Variants in HIVEP2 observed in about 807,000 individuals in gnomAD.
HIVEP2 encodes transcription factor HIVEP2.
Under a neutral mutation model 180.7 loss-of-function variants are expected in HIVEP2, and 14 were observed. The ratio of observed to expected loss-of-function variants is 0.08; its 90% CI spans 0.05 to 0.12. HIVEP2 has a LOEUF of 0.12. Ranked by LOEUF, HIVEP2 falls within the 10% of genes least tolerant of loss-of-function variation. HIVEP2 has a pLI of 1.00. For synonymous variants in HIVEP2, 1,184 were observed against 1,136.4 expected, an observed-to-expected ratio of 1.04 and a Z score of -0.84; for missense variants, 2,579 against 3,008.5, an observed-to-expected ratio of 0.86 and a Z score of 3.34.
At chr6:142,913,539 G>C (rs948184586) in intron 1 of HIVEP2, among the ~76,000 whole-genome samples, 3 of 152,192 alleles carry the variant, frequency 2.0e-5, no homozygotes, top group African/African-American at 7.2e-5. Flanking sequence ...ACTTAACTAA[G>C]TTTCTAGGCA....
chr6:142,889,430 C>T (rs971430584), intron 1 of HIVEP2, among the ~76,000 whole-genome samples: 1 of 152,042 alleles, frequency 6.6e-6, no homozygotes, highest in Non-Finnish European at 1.5e-5. Flanking sequence ...TGCACCCCAG[C>T]CGGAGCAACA....
At chr6:142,754,859 A>G (rs1775024851) in intron 9 of HIVEP2, among the ~76,000 whole-genome samples, 2 of 152,234 alleles carry the variant, frequency 1.3e-5, no homozygotes, top group African/African-American at 2.4e-5. Flanking sequence ...TTTATTTTCT[A>G]TACTGTTTCT....
intron 2 of HIVEP2, among the ~76,000 whole-genome samples, chr6:142,800,340 A>C (rs1293871095): frequency 1.3e-5 from 2 of 152,188 alleles, no homozygotes; most frequent in Non-Finnish European, 2.9e-5. Context: ...CAAAGTGCAG[A>C]ATTCAAGTTT....
At chr6:142,906,211 A>G (rs779400890) in intron 1 of HIVEP2, among the ~76,000 whole-genome samples, 3 of 152,202 alleles carry the variant, frequency 2.0e-5, no homozygotes, top group Non-Finnish European at 4.4e-5. Flanking sequence ...CTTTGAAGGC[A>G]TTCATGAAAA....
chr6:142,776,633 G>A (rs977927793), intron 3 of HIVEP2, among the ~76,000 whole-genome samples: 1 of 151,948 alleles, frequency 6.6e-6, no homozygotes, highest in Non-Finnish European at 1.5e-5. Flanking sequence ...CTGAGCTCAG[G>A]CGATCCTCCC....
chr6:142,785,286 CTAAAG>C (rs1775964313), intron 2 of HIVEP2, among the ~76,000 whole-genome samples: 1 of 95,816 alleles, frequency 1.0e-5, no homozygotes, highest in African/African-American at 4.0e-5. Flanking sequence ...ATAATCTAGG[CTAAAG>C]TAAAGCATGG....
At chr6:142,815,372 A>C (rs1289132528) in intron 2 of HIVEP2, among the ~76,000 whole-genome samples, 1 of 152,182 alleles carries the variant, frequency 6.6e-6, no homozygotes, top group African/African-American at 2.4e-5. Context: ...GGAGTCAAGA[A>C]ATCCAAGGGA....
chr6:142,859,504 C>T (rs1179272115), intron 1 of HIVEP2, among the ~76,000 whole-genome samples: 1 of 150,578 alleles, frequency 6.6e-6, no homozygotes, highest in Non-Finnish European at 1.5e-5. Flanking sequence ...TCCACATAAG[C>T]TTGTCGAAAC....
chr6:142,875,069 A>C (rs575943606), intron 1 of HIVEP2, among the ~76,000 whole-genome samples: 13 of 152,310 alleles, frequency 8.5e-5, no homozygotes, highest in Non-Finnish European at 1.3e-4. Flanking sequence ...TCAGATTCTG[A>C]TCATTTCTAT....
chr6:142,852,032 T>C (rs117348431), intron 1 of HIVEP2, among the ~76,000 whole-genome samples: 199 of 152,348 alleles, frequency 1.3e-3, no homozygotes, highest in Middle Eastern at 3.4e-3. Context: ...CTAATTTACT[T>C]TGGCAATAAA....
Position 142,773,640 on chromosome 6 carries a change from G to T in HIVEP2, c.1099C>A (p.Gln367Lys), listed in dbSNP as rs1775614830. Residue 367 changes from glutamine to lysine, a missense_variant, in exon 5 of 10, where the codon CAG becomes AAG. Gln to Lys is a moderately conservative substitution (Grantham distance 53, BLOSUM62 1). This residue lies in a region of HIVEP2 where 47 missense variants were observed against 92.5 expected (regional missense o/e 0.51). Coordinates refer to ENST00000367603, the MANE Select transcript of HIVEP2 (RefSeq NM_006734.4). ...TKADDSHTVK[Q>K]KLALRLSEKK... ...TCTGACAGTCTTAGTGCAAGTTTCT[G>T]TTTGACTGTGTGCGAATCATCAGCC... The T allele has an allele frequency of 6.2e-7, 1 of 1,614,052 alleles. No individual in the cohort carries two copies. The highest frequency in any genetic ancestry group is 8.5e-7 in the Non-Finnish European group (1 of 1,180,022).
chr6:142,827,036 C>T (rs1330898555), intron 2 of HIVEP2, among the ~76,000 whole-genome samples: 1 of 152,068 alleles, frequency 6.6e-6, no homozygotes, highest in East Asian at 1.9e-4. Flanking sequence ...ACTTTTGTGC[C>T]TTTGTGGGGT....
chr6:142,754,007 T>C, intron 9 of HIVEP2, 76 bp from the exon 10 acceptor site: 1 of 731,720 alleles, frequency 1.4e-6, no homozygotes, highest in Non-Finnish European at 2.3e-6. Flanking sequence ...GTTGGATTCA[T>C]TCACTCACCC....
At chr6:142,906,770 A>G (rs925796584) in intron 1 of HIVEP2, among the ~76,000 whole-genome samples, 4 of 152,208 alleles carry the variant, frequency 2.6e-5, no homozygotes, top group East Asian at 3.8e-4. Flanking sequence ...TTGTATCAAT[A>G]TCATGATTAT....
chr6:142,894,107 A>G (rs1288045281), intron 1 of HIVEP2, among the ~76,000 whole-genome samples: 1 of 152,220 alleles, frequency 6.6e-6, no homozygotes, highest in African/African-American at 2.4e-5. Flanking sequence ...TTATAGTTAT[A>G]TAATCAATAA....
chr6:142,889,547 T>C (rs1776802803), intron 1 of HIVEP2, among the ~76,000 whole-genome samples: 1 of 152,194 alleles, frequency 6.6e-6, no homozygotes, highest in Non-Finnish European at 1.5e-5. Context: ...AGCAATTCTC[T>C]CTGAAATCAA....
chr6:142,768,125 T>C (rs558445936), intron 6 of HIVEP2, among the ~76,000 whole-genome samples: 5 of 152,212 alleles, frequency 3.3e-5, no homozygotes, highest in Non-Finnish European at 7.3e-5. Flanking sequence ...GTAGATTTCA[T>C]AATAAATTAG....
chr6:142,908,854 C>CAAA (rs11443809), intron 1 of HIVEP2, among the ~76,000 whole-genome samples: 5,403 of 87,432 alleles, frequency 0.062, 248 homozygotes, highest in Admixed American at 0.15. Context: ...TACCACCTCT[C>CAAA]AAAAAAAAAA....
chr6:142,762,982 A>C (rs1775288436), intron 7 of HIVEP2, among the ~76,000 whole-genome samples: 1 of 152,200 alleles, frequency 6.6e-6, no homozygotes, highest in Non-Finnish European at 1.5e-5. Context: ...ATGTATCTAC[A>C]AATTAATAAA....
Sources: allele counts gnomAD v4.1 joint callset (sites outside exome capture counted in the v4.1 genomes callset), GRCh38; gene constraint gnomAD v4.1.1; regional missense constraint gnomAD v4.1.1; transcripts MANE v1.5; gene names NCBI Gene and HGNC (gene_info 2026-07-23, HGNC 2026-07-21).